The following NRG2 variants were observed in gnomAD, a reference collection of about 807,000 sequenced individuals.
The protein encoded by NRG2 is neuregulin 2, also known as pro-neuregulin-2, membrane-bound isoform.
Under a neutral mutation model 73.9 loss-of-function variants are expected in NRG2, and 27 were observed. That is an observed-to-expected ratio of 0.37 (90% confidence interval 0.27 to 0.50). NRG2 has a LOEUF of 0.50. NRG2 is among the 20% of genes least tolerant of loss of function. NRG2 has a pLI of 0.96. For synonymous variants in NRG2, 532 were observed against 541.0 expected (o/e 0.98, Z 0.23); for missense variants, 1,126 against 1,210.1 (o/e 0.93, Z 1.03).
In NRG2 at chr5:139,904,258, A is replaced by C. The variant is rs1330808159; in HGVS notation, c.701-16747T>G. On this transcript the variant is annotated intron_variant, in intron 1 of 9. Coordinates refer to ENST00000361474, the MANE Select transcript of NRG2 (RefSeq NM_004883.3). This position sits in a 1 kb window ranked among gnomAD's most constrained non-coding sequence, Gnocchi z 6.0. ...CGCTGGGGGCGGGTGAGCGGGCGGC[A>C]GGTTTCTCCCAGGGAAACCGGGTTT... 2 of 1,558,612 alleles carry C rather than the reference A, an allele frequency of 1.3e-6. No homozygotes were observed. The highest frequency in any genetic ancestry group is 1.7e-6 in the Non-Finnish European group (2 of 1,160,088).
chr5:139,887,587 G>T lies in NRG2; in HGVS notation c.701-76C>A. 1 of 1,364,172 alleles carries T rather than the reference G, an allele frequency of 7.3e-7. No individual in the cohort carries two copies. The highest frequency in any genetic ancestry group is 1.0e-6 in the Non-Finnish European group (1 of 973,762). The allele number at this position is 1,364,172 out of a possible 1,614,324, so 84.5% of individuals were successfully genotyped here. ...CAAGCATGAGTAGTGGAGAGTAAGG[G>T]CCACTGTCTTTGGGCTGGAACTGGG... On this transcript the variant is annotated intron_variant, in intron 1 of 9. Coordinates refer to ENST00000361474, the MANE Select transcript of NRG2 (RefSeq NM_004883.3). This position sits in a 1 kb window ranked among gnomAD's most constrained non-coding sequence, Gnocchi z 4.5.
rs180817284 is a variant in NRG2, at chr5:139,849,054, A to C, written c.1773-357T>G. On this transcript the variant is annotated intron_variant, in intron 9 of 9. Transcript: ENST00000361474. ...TGCTCACCGTCAGGGGGTCAGGCTC[A>C]CGCTGGGGTACATGTTCCATCTGGT... Among the ~76,000 whole-genome samples the C allele has an allele frequency of 4.5e-3, 686 of 152,252 alleles. 4 individuals carry two copies. The highest frequency in any genetic ancestry group is 7.8e-3 in the Non-Finnish European group (528 of 68,006).
intron 1 of NRG2, among the ~76,000 whole-genome samples, chr5:140,038,372 TAA>T (rs1761666379): frequency 6.6e-6 from 1 of 151,906 alleles, no homozygotes; most frequent in African/African-American, 2.4e-5. Context: ...GAAAAAAAAA[TAA>T]GAGGGTCTTT....
chr5:139,880,765 T>C, intron 3 of NRG2, 91 bp downstream of exon 3: 1 of 886,100 alleles, frequency 1.1e-6, no homozygotes, highest in Non-Finnish European at 1.8e-6. Context: ...GAGTGCGAGA[T>C]GGATCACATG....
chr5:140,017,858 G>A (rs947521025), intron 1 of NRG2, among the ~76,000 whole-genome samples: 5 of 152,120 alleles, frequency 3.3e-5, no homozygotes, highest in Admixed American at 6.6e-5. Flanking sequence ...GAGACAGAAC[G>A]TGCAGTAGAG....
chr5:139,930,849 A>G (rs938344520), intron 1 of NRG2, among the ~76,000 whole-genome samples: 8 of 152,246 alleles, frequency 5.3e-5, no homozygotes, highest in Non-Finnish European at 1.2e-4. Context: ...GACGCTGTGC[A>G]GGGAACATTG....
intron 1 of NRG2, among the ~76,000 whole-genome samples, chr5:139,893,956 G>A (rs1764388030): frequency 1.3e-5 from 2 of 152,194 alleles, no homozygotes; most frequent in African/African-American, 4.8e-5. Flanking sequence ...CTTCTGGCCT[G>A]TATCTGTTTG....
intron 5 of NRG2, among the ~76,000 whole-genome samples, 169 bp from the exon 6 acceptor site, chr5:139,855,947 G>GT (rs1761781399): frequency 6.6e-6 from 1 of 152,104 alleles, no homozygotes; most frequent in South Asian, 2.1e-4. Context: ...TACATGCTCT[G>GT]TTTTGCCTTC....
intron 1 of NRG2, among the ~76,000 whole-genome samples, chr5:140,002,041 G>A (rs774640498): frequency 5.3e-5 from 8 of 151,806 alleles, no homozygotes; most frequent in Non-Finnish European, 8.8e-5. Flanking sequence ...AATATTCGCC[G>A]GGCATGGTGG....
At chr5:139,936,865 GATCTC>G (rs1752888759) in intron 1 of NRG2, among the ~76,000 whole-genome samples, 3 of 152,206 alleles carry the variant, frequency 2.0e-5, no homozygotes. Context: ...GCAGTGATGT[GATCTC>G]AGCTCACTGT....
chr5:140,040,400 C>A (rs2436387), intron 1 of NRG2, among the ~76,000 whole-genome samples: 44,564 of 151,998 alleles, frequency 0.29, 6,717 homozygotes, highest in African/African-American at 0.36. Flanking sequence ...CATATTTCTG[C>A]CCCTCAAATC....
chr5:139,951,072 T>C (rs1754163080), intron 1 of NRG2, among the ~76,000 whole-genome samples: 1 of 152,188 alleles, frequency 6.6e-6, no homozygotes, highest in Non-Finnish European at 1.5e-5. Flanking sequence ...AGAACTGGGC[T>C]TTCAACCTAG....
At chr5:139,993,840 T>C (rs1318069241) in intron 1 of NRG2, among the ~76,000 whole-genome samples, 3 of 152,180 alleles carry the variant, frequency 2.0e-5, no homozygotes, top group African/African-American at 7.2e-5. Context: ...TGTTAAAAAA[T>C]ACACAAAATG....
intron 1 of NRG2, among the ~76,000 whole-genome samples, chr5:140,031,009 A>G (rs1761101871): frequency 6.6e-6 from 1 of 152,184 alleles, no homozygotes; most frequent in African/African-American, 2.4e-5. Flanking sequence ...TGTTATGTCC[A>G]AAAGAATCCA....
rs1762443888 is a variant in NRG2, at chr5:139,865,908, C to T, written c.1113-283G>A. Among the ~76,000 whole-genome samples, 1 of 152,158 alleles carries T rather than the reference C, an allele frequency of 6.6e-6. No individual in the cohort carries two copies. The highest frequency in any genetic ancestry group is 1.5e-5 in the Non-Finnish European group (1 of 68,018). ...TGAGGGAAGATGGGAAATTGTCCTA[C>T]TGGTCATTGAGACTTTCCTTCTTAC... On this transcript the variant is annotated intron_variant, in intron 4 of 9. Transcript: ENST00000361474. The surrounding 1 kb of genome is among the most constrained non-coding windows in gnomAD (Gnocchi z 5.2).
In NRG2 at chr5:139,848,233, G is replaced by GAGCGGCGCC. The variant is rs1761136835; in HGVS notation, c.2228_2236dup (p.Trp743_Arg745dup). 1 of 1,167,938 alleles carries GAGCGGCGCC rather than the reference G, an allele frequency of 8.6e-7. No homozygotes were observed. Among genetic ancestry groups the GAGCGGCGCC allele is most frequent in the Non-Finnish European group, 1.1e-6 (1 of 948,652 alleles). 72.3% of individuals were successfully genotyped at this position (1,167,938 alleles called of 1,614,324 possible). On this transcript the variant is annotated inframe_insertion, in exon 10 of 10. Transcript: ENST00000361474. ...CTGCGCCGCCAGCCCGTTGAGGCGC[G>GAGCGGCGCC]AGCGGCGCCAGCGCCGGGGCCCCGC...
At chr5:139,892,372 T>C (rs897333216) in intron 1 of NRG2, among the ~76,000 whole-genome samples, 3 of 152,174 alleles carry the variant, frequency 2.0e-5, no homozygotes, top group Non-Finnish European at 2.9e-5. Flanking sequence ...ACTTTCTGCA[T>C]GTTAAGCTCA....
At chr5:139,929,715 C>T (rs1752321042) in intron 1 of NRG2, among the ~76,000 whole-genome samples, 1 of 152,116 alleles carries the variant, frequency 6.6e-6, no homozygotes, top group South Asian at 2.1e-4. Context: ...AGGATTGCTT[C>T]CCCCCTTGGT....
chr5:139,885,830 G>A (rs1242178621), intron 2 of NRG2, among the ~76,000 whole-genome samples: 1 of 151,996 alleles, frequency 6.6e-6, no homozygotes, highest in Non-Finnish European at 1.5e-5. Context: ...AGGAGGGAAA[G>A]GGGGGCTCTC....
Sources: allele counts gnomAD v4.1 joint callset (sites outside exome capture counted in the v4.1 genomes callset), GRCh38; gene constraint gnomAD v4.1.1; non-coding constraint Gnocchi (gnomAD v3.1); transcripts MANE v1.5; gene names NCBI Gene and HGNC (gene_info 2026-07-23, HGNC 2026-07-21).